Variants in TLK2 observed in about 807,000 individuals in gnomAD.
TLK2 encodes the protein serine/threonine-protein kinase tousled-like 2.
A neutral mutation model predicts 117.3 loss-of-function variants in TLK2; 6 were observed. The observed-to-expected ratio is 0.05, with a 90% CI of 0.03 to 0.10. The LOEUF is 0.10. Ranked by LOEUF, TLK2 falls within the 10% of genes least tolerant of loss-of-function variation. The pLI, the probability that TLK2 is intolerant of heterozygous loss-of-function variation, is 1.00. For missense variants in TLK2, 299 were observed against 901.2 expected (o/e 0.33, Z 8.56); for synonymous variants, 257 against 316.7 (o/e 0.81, Z 2.00).
chr17:62,523,065 G>A (rs1201535924), intron 4 of TLK2, 69 bp from the exon 5 acceptor site: 26 of 1,442,832 alleles, frequency 1.8e-5, no homozygotes. Context: ...TGAATGTATA[G>A]TACATTTTAG....
chr17:62,511,576 G>C (rs1164571207), intron 2 of TLK2, among the ~76,000 whole-genome samples: 2 of 152,078 alleles, frequency 1.3e-5, no homozygotes, highest in Admixed American at 1.3e-4. Flanking sequence ...CACTATATTG[G>C]CCAGGCTGGT....
chr17:62,549,221 C>A (rs1216872486), intron 7 of TLK2, among the ~76,000 whole-genome samples: 2 of 145,390 alleles, frequency 1.4e-5, no homozygotes, highest in African/African-American at 2.5e-5. Context: ...GTGAAAACAC[C>A]GTCTGTACTA....
rs931954915 is a variant in TLK2 at position 62,601,599 on chromosome 17, C to G, written c.1721-443C>G. The stretch of plus-strand genomic sequence containing the variant: ...TTTCCATAACTGAATTCAACACTTT[C>G]CTGCAATGGGAGCTGTAGGCGGTGC... On this transcript the variant is annotated intron_variant, in intron 18 of 21. Transcript: ENST00000346027. 2.6e-5 allele frequency among the ~76,000 whole-genome samples: 4 copies of G among 152,274 alleles called. No individual in the cohort carries two copies. The East Asian group carries it at 5.8e-4, about 22-fold the overall frequency.
chr17:62,565,734 G>A (rs2079728431), intron 11 of TLK2, among the ~76,000 whole-genome samples: 1 of 151,638 alleles, frequency 6.6e-6, no homozygotes, highest in African/African-American at 2.4e-5. Flanking sequence ...AAAAACCTAG[G>A]GTTTGACTTT....
chr17:62,481,075 C>T (rs1414519170), intron 1 of TLK2, 46 bp from the exon 2 acceptor site: 2 of 1,589,362 alleles, frequency 1.3e-6, no homozygotes, highest in African/African-American at 2.7e-5. Flanking sequence ...ATTGCCTCCT[C>T]ACATTTTAGT....
chr17:62,523,079 A>G, intron 4 of TLK2, 55 bp from the exon 5 acceptor site: 1 of 1,510,498 alleles, frequency 6.6e-7, no homozygotes, highest in Non-Finnish European at 8.9e-7. Flanking sequence ...ATTTTAGTGA[A>G]TGATGGTTTA....
intron 16 of TLK2, among the ~76,000 whole-genome samples, chr17:62,596,055 C>A (rs1465881767): frequency 1.3e-5 from 2 of 152,112 alleles, no homozygotes; most frequent in Non-Finnish European, 2.9e-5. Flanking sequence ...ATTCACTTAA[C>A]AAATATTTGA....
chr17:62,591,275 A>G (rs1012312068), intron 16 of TLK2, among the ~76,000 whole-genome samples: 2 of 151,806 alleles, frequency 1.3e-5, no homozygotes, highest in Admixed American at 6.6e-5. Context: ...GAAAATCTGT[A>G]TGTTTCTAGC....
At chr17:62,478,372 G>A (rs1460566210), upstream of TLK2, among the ~76,000 whole-genome samples, 1 of 151,040 alleles carries the variant, frequency 6.6e-6, no homozygotes, top group Admixed American at 6.6e-5. Flanking sequence ...ATCCGGGAAC[G>A]GGTGGACCCG....
chr17:62,473,720 T>C (rs1348139715), intron 1 of TLK2, among the ~76,000 whole-genome samples: 1 of 152,206 alleles, frequency 6.6e-6, no homozygotes, highest in East Asian at 1.9e-4. Flanking sequence ...AACCTGTTTT[T>C]GCAAATAAAG....
chr17:62,543,483 G>C (rs1359167901), intron 7 of TLK2, among the ~76,000 whole-genome samples: 1 of 152,084 alleles, frequency 6.6e-6, no homozygotes, highest in Non-Finnish European at 1.5e-5. Flanking sequence ...ATTTCTCCAT[G>C]TCCTTGCCAG....
intron 2 of TLK2, among the ~76,000 whole-genome samples, chr17:62,485,898 G>T (rs2144523107): frequency 7.0e-6 from 1 of 142,224 alleles, no homozygotes; most frequent in East Asian, 2.1e-4. Flanking sequence ...TCTACTCACT[G>T]CAAGCTCCGC....
intron 12 of TLK2, among the ~76,000 whole-genome samples, chr17:62,575,342 G>A (rs2080700324): frequency 6.6e-6 from 1 of 152,224 alleles, no homozygotes; most frequent in African/African-American, 2.4e-5. Context: ...GTTTCAGACA[G>A]AGAATTCTTA....
At chr17:62,569,497 G>A (rs1463598992) in intron 11 of TLK2, among the ~76,000 whole-genome samples, 1 of 137,742 alleles carries the variant, frequency 7.3e-6, no homozygotes, top group Non-Finnish European at 1.5e-5. Flanking sequence ...GTGCAGTGGC[G>A]TGATCTCGGC....
intron 2 of TLK2, among the ~76,000 whole-genome samples, chr17:62,488,820 A>AT (rs36026309): frequency 0.056 from 5,626 of 99,720 alleles, 238 homozygotes; most frequent in Middle Eastern, 0.084. Flanking sequence ...GGCCTTGAAG[A>AT]TTTTTTTTTT....
At chr17:62,548,384 C>T (rs1170461798) in intron 7 of TLK2, among the ~76,000 whole-genome samples, 1 of 151,592 alleles carries the variant, frequency 6.6e-6, no homozygotes, top group Admixed American at 6.6e-5. Flanking sequence ...CAGGTTCAAG[C>T]GATTCTCCTG....
chr17:62,478,514 G>A (rs942173823), upstream of TLK2, among the ~76,000 whole-genome samples: 9 of 149,810 alleles, frequency 6.0e-5, no homozygotes, highest in African/African-American at 2.2e-4. Flanking sequence ...GGGCGCCCCG[G>A]GCCGCCGGAC....
intron 11 of TLK2, among the ~76,000 whole-genome samples, chr17:62,568,392 A>G (rs1441488967): frequency 1.3e-5 from 2 of 148,782 alleles, no homozygotes; most frequent in African/African-American, 2.5e-5. Flanking sequence ...AGATTGTGCC[A>G]CTGCACTCCA....
At chr17:62,604,878 A>C (rs930369634) in intron 19 of TLK2, among the ~76,000 whole-genome samples, 1 of 152,192 alleles carries the variant, frequency 6.6e-6, no homozygotes, top group South Asian at 2.1e-4. Flanking sequence ...CAAAAAAAAA[A>C]AAATCTTGCT....
Sources: gnomAD v4.1 joint callset for allele counts (sites outside exome capture counted in the v4.1 genomes callset) on GRCh38, gnomAD v4.1.1 for gene constraint, MANE v1.5 for transcripts, NCBI Gene and HGNC (gene_info 2026-07-23, HGNC 2026-07-21) for gene names.